Variants in TCF12 observed in about 807,000 individuals in gnomAD.
TCF12 encodes DNA-binding protein HTF4.
A neutral mutation model predicts 86.0 loss-of-function variants in TCF12; 45 were observed. The ratio of observed to expected loss-of-function variants is 0.52; its 90% CI spans 0.41 to 0.67. TCF12 has a LOEUF of 0.67. Ranked by LOEUF, TCF12 falls within the 30% of genes least tolerant of loss-of-function variation. The pLI is 0.00. For synonymous variants in TCF12, 330 were observed against 299.6 expected, an observed-to-expected ratio of 1.10 and a Z score of -1.05; for missense variants, 881 against 859.9, an observed-to-expected ratio of 1.02 and a Z score of -0.31.
At chr15:57,003,234 G>A (rs2064154054) in intron 3 of TCF12, among the ~76,000 whole-genome samples, 1 of 152,162 alleles carries the variant, frequency 6.6e-6, no homozygotes, top group South Asian at 2.1e-4. Context: ...CATGGACACC[G>A]AATTAGTGAA....
In TCF12 at chr15:57,253,386, C is replaced by T; in HGVS notation, c.1385C>T (p.Pro462Leu). ...GHSDIHSLLG[P>L]SHNAPIGSLN... Reference sequence around the variant, plus strand: ...AGTGATATACATAGTTTATTGGGACCATCCCATAATGCACCAATTGGAAGC... The same window carrying T: ...AGTGATATACATAGTTTATTGGGACTATCCCATAATGCACCAATTGGAAGC... Residue 462 changes from proline to leucine, a missense_variant, in exon 16 of 21, where the codon CCA becomes CTA. By Grantham distance (98) the Pro-to-Leu change is moderately conservative. Around this residue, in one of 3 missense-constraint regions of TCF12, gnomAD observed 766 missense variants for 718.9 expected, o/e 1.07. Coordinates refer to ENST00000333725, the MANE Select transcript of TCF12 (RefSeq NM_207037.2). The T allele has an allele frequency of 6.2e-7, 1 of 1,614,038 alleles. No individual in the cohort carries two copies. Among genetic ancestry groups the T allele is most frequent in the Non-Finnish European group, 8.5e-7 (1 of 1,179,976 alleles).
intron 3 of TCF12, among the ~76,000 whole-genome samples, chr15:57,029,674 C>T (rs1036040533): frequency 1.3e-5 from 2 of 152,136 alleles, no homozygotes; most frequent in African/African-American, 2.4e-5. Context: ...ACGCATACCA[C>T]GGTCAAGATA....
At chr15:57,178,265 T>A (rs546385015) in intron 6 of TCF12, among the ~76,000 whole-genome samples, 29 of 152,300 alleles carry the variant, frequency 1.9e-4, no homozygotes, top group African/African-American at 7.0e-4. Context: ...TAATTGTACT[T>A]TTTTTTCCTA....
At chr15:57,116,185 A>G (rs2050822279) in intron 5 of TCF12, among the ~76,000 whole-genome samples, 1 of 152,140 alleles carries the variant, frequency 6.6e-6, no homozygotes, top group African/African-American at 2.4e-5. Context: ...CCTTGACTCC[A>G]AAGCCTGTTT....
intron 5 of TCF12, among the ~76,000 whole-genome samples, chr15:57,103,647 G>A (rs1390965536): frequency 6.6e-6 from 1 of 152,168 alleles, no homozygotes; most frequent in African/African-American, 2.4e-5. Context: ...GTGTATGCAA[G>A]AATGTTTGCC....
intron 5 of TCF12, among the ~76,000 whole-genome samples, chr15:57,105,793 C>G (rs779618562): frequency 1.3e-5 from 2 of 152,150 alleles, no homozygotes; most frequent in Non-Finnish European, 2.9e-5. Context: ...ATTTTTCTCA[C>G]TTGCAAAATG....
intron 5 of TCF12, among the ~76,000 whole-genome samples, chr15:57,132,784 C>G (rs1251144947): frequency 6.6e-6 from 1 of 152,168 alleles, no homozygotes; most frequent in Non-Finnish European, 1.5e-5. Flanking sequence ...ATATCCCTGC[C>G]TACATCCTCT....
chr15:56,962,157 ATG>A (rs1336248937), intron 3 of TCF12, among the ~76,000 whole-genome samples: 4 of 99,200 alleles, frequency 4.0e-5, no homozygotes, highest in Non-Finnish European at 1.0e-4. Context: ...AAAAAAAAAT[ATG>A]TTTAATGGTG....
At chr15:56,950,022 A>G (rs1289305617) in intron 3 of TCF12, among the ~76,000 whole-genome samples, 1 of 152,218 alleles carries the variant, frequency 6.6e-6, no homozygotes, top group East Asian at 1.9e-4. Flanking sequence ...CATAAGTAGC[A>G]CATATTTAGT....
At chr15:57,229,426 G>C (rs2059030195) in intron 8 of TCF12, among the ~76,000 whole-genome samples, 1 of 151,544 alleles carries the variant, frequency 6.6e-6, no homozygotes. Flanking sequence ...TCTTTTCTAA[G>C]ACTTCTCAGG....
At chr15:57,226,700 G>T (rs114933584) in intron 8 of TCF12, among the ~76,000 whole-genome samples, 1,753 of 152,102 alleles carry the variant, frequency 0.012, 33 homozygotes, top group African/African-American at 0.04. Flanking sequence ...GGCTGACTTT[G>T]GTTTTCTTAG....
intron 5 of TCF12, among the ~76,000 whole-genome samples, chr15:57,142,345 A>G (rs2053036668): frequency 6.6e-6 from 1 of 151,910 alleles, no homozygotes; most frequent in South Asian, 2.1e-4. Flanking sequence ...ACAGAAAGAA[A>G]TATAAATATA....
chr15:57,093,825 T>G (rs865869865), intron 5 of TCF12, among the ~76,000 whole-genome samples: 26 of 152,210 alleles, frequency 1.7e-4, no homozygotes, highest in Non-Finnish European at 3.5e-4. Flanking sequence ...AGTAGATTGA[T>G]CTCTTAATTC....
rs527819579 is a variant in TCF12, at chr15:57,099,816, G to A, written c.325+7925G>A. Among the ~76,000 whole-genome samples, 3 of 151,834 alleles carry A rather than the reference G, an allele frequency of 2.0e-5. No homozygotes were observed. In the South Asian group the frequency reaches 6.2e-4, roughly 32 times the overall value. ...GATATTCAACAGAAGATTGATCAAA[G>A]CAATCAACTGTGGCTTGAGACAACC... On this transcript the variant is annotated intron_variant, in intron 5 of 20. Transcript: ENST00000333725.
At chr15:57,030,525 C>G (rs2066103620) in intron 3 of TCF12, among the ~76,000 whole-genome samples, 1 of 152,140 alleles carries the variant, frequency 6.6e-6, no homozygotes, top group Non-Finnish European at 1.5e-5. Context: ...AGCCACTGTA[C>G]CTGGCCTTTT....
intron 3 of TCF12, among the ~76,000 whole-genome samples, chr15:57,008,313 T>A (rs8033010): frequency 0.24 from 36,868 of 151,682 alleles, 5,243 homozygotes; most frequent in East Asian, 0.4. Flanking sequence ...CTTAATTTTT[T>A]AAAAAATTGT....
At chr15:56,919,865 T>C in intron 1 of TCF12, 27 bp from the exon 2 acceptor site, 1 of 1,606,948 alleles carries the variant, frequency 6.2e-7, no homozygotes, top group Non-Finnish European at 8.5e-7. Flanking sequence ...CGGTGGTCTC[T>C]CGCTGAGCCC....
chr15:57,000,830 C>G (rs1196222452), intron 3 of TCF12, among the ~76,000 whole-genome samples: 1 of 151,884 alleles, frequency 6.6e-6, no homozygotes, highest in East Asian at 1.9e-4. Flanking sequence ...TTACCATTAC[C>G]AGGGCTTGGC....
intron 4 of TCF12, among the ~76,000 whole-genome samples, chr15:57,089,101 C>T (rs1175667041): frequency 6.6e-6 from 1 of 152,140 alleles, no homozygotes; most frequent in East Asian, 1.9e-4. Flanking sequence ...CTGTGACAAA[C>T]ATTTTGCAAC....
Sources: allele counts gnomAD v4.1 joint callset (sites outside exome capture counted in the v4.1 genomes callset), GRCh38; gene constraint gnomAD v4.1.1; regional missense constraint gnomAD v4.1.1; transcripts MANE v1.5; gene names NCBI Gene and HGNC (gene_info 2026-07-23, HGNC 2026-07-21).